Variants in ERC2 observed in about 807,000 individuals in gnomAD.
The protein encoded by ERC2 is ELKS/RAB6-interacting/CAST family member 2.
Under a neutral mutation model 114.8 loss-of-function variants are expected in ERC2, and 42 were observed. The observed-to-expected ratio is 0.37, with a 90% CI of 0.29 to 0.47. The LOEUF (loss-of-function observed/expected upper bound fraction) is 0.47, where lower values mean the gene tolerates loss of function less well. Ranked by LOEUF, ERC2 falls within the 20% of genes least tolerant of loss-of-function variation. The probability of loss-of-function intolerance (pLI) is 0.99; values close to 1 mark genes in which losing one functional copy is unlikely to be tolerated. For missense variants in ERC2, 939 were observed against 1,150.7 expected, an observed-to-expected ratio of 0.82 and a Z score of 2.66; for synonymous variants, 454 against 425.5, an observed-to-expected ratio of 1.07 and a Z score of -0.82.
At chr3:56,202,293 T>C (rs557298752) in intron 3 of ERC2, among the ~76,000 whole-genome samples, 1 of 152,172 alleles carries the variant, frequency 6.6e-6, no homozygotes, top group Non-Finnish European at 1.5e-5. Context: ...TAATTTCTCT[T>C]AATTATCCAA....
At chr3:56,015,683 T>A (rs2073257315) in intron 8 of ERC2, among the ~76,000 whole-genome samples, 1 of 152,220 alleles carries the variant, frequency 6.6e-6, no homozygotes, top group Admixed American at 6.5e-5. Flanking sequence ...TGCATGCACC[T>A]TTATAATAGA....
At chr3:56,194,803 G>T (rs1318644599) in intron 3 of ERC2, among the ~76,000 whole-genome samples, 1 of 152,000 alleles carries the variant, frequency 6.6e-6, no homozygotes, top group Admixed American at 6.6e-5. Context: ...TGCAGTGCAT[G>T]ACAGCAGGCT....
chr3:55,922,063 C>A (rs760821407), intron 13 of ERC2, among the ~76,000 whole-genome samples: 1 of 152,140 alleles, frequency 6.6e-6, no homozygotes, highest in Admixed American at 6.6e-5. Context: ...ATACCTCCTC[C>A]AGTCACTTAG....
intron 13 of ERC2, among the ~76,000 whole-genome samples, chr3:55,930,407 T>G (rs574843642): frequency 1.4e-3 from 217 of 152,158 alleles, no homozygotes; most frequent in African/African-American, 5.2e-3. Flanking sequence ...AAAACAGAGA[T>G]ATAGATCAAT....
Position 56,044,818 on chromosome 3 carries a change from C to A in ERC2, c.1642-25787G>T, listed in dbSNP as rs113015893. Among the ~76,000 whole-genome samples, 174 of 152,202 alleles carry A rather than the reference C, an allele frequency of 1.1e-3. 1 individual carries two copies. The highest frequency in any genetic ancestry group is 4.0e-3 in the African/African-American group (166 of 41,550). Reference sequence around the variant, plus strand: ...AAATCCTAACTCTCGCTCCCCAAATCAAATACAAACCCAGAGGAAGGACAG... The same window carrying A: ...AAATCCTAACTCTCGCTCCCCAAATAAAATACAAACCCAGAGGAAGGACAG... On this transcript the variant is annotated intron_variant, in intron 7 of 17. Coordinates refer to ENST00000288221, the MANE Select transcript of ERC2 (RefSeq NM_015576.3).
At chr3:55,807,292 G>A (rs945134142) in intron 14 of ERC2, among the ~76,000 whole-genome samples, 8 of 152,186 alleles carry the variant, frequency 5.3e-5, no homozygotes, top group Non-Finnish European at 1.2e-4. Context: ...ATGGCTGTGA[G>A]ACTATGTTCG....
chr3:55,741,619 G>A (rs2065965826), intron 14 of ERC2, among the ~76,000 whole-genome samples: 1 of 152,086 alleles, frequency 6.6e-6, no homozygotes, highest in Admixed American at 6.6e-5. Context: ...GTACATATAT[G>A]CCCATTCTTA....
chr3:56,001,784 C>T (rs1226468161), intron 10 of ERC2, among the ~76,000 whole-genome samples: 1 of 152,124 alleles, frequency 6.6e-6, no homozygotes, highest in African/African-American at 2.4e-5. Context: ...TGCACACACC[C>T]AAAACATGAC....
At position 56,149,070 on chromosome 3, in the gene ERC2, T is replaced by C. The variant is rs1201847761; in HGVS notation, c.1212A>G (p.Leu404=). 1 of 1,613,346 alleles carries C rather than the reference T, an allele frequency of 6.2e-7. No individual in the cohort carries two copies. Among genetic ancestry groups the C allele is most frequent in the South Asian group, 1.1e-5 (1 of 91,016 alleles). ...CAGTGTTCAGCACACCATTGGCTTT[T>C]AACATCTGGATCTCATCCTCAAGAT... ...IRDLEDEIQM[L]KANGVLNTED... The change falls in exon 5 of 18, where the codon TTA becomes TTG. Residue 404 remains leucine (L), a synonymous_variant. Coordinates refer to ENST00000288221, the MANE Select transcript of ERC2 (RefSeq NM_015576.3).
intron 6 of ERC2, among the ~76,000 whole-genome samples, chr3:56,110,473 G>T (rs554429547): frequency 6.6e-6 from 1 of 152,144 alleles, no homozygotes; most frequent in South Asian, 2.1e-4. Context: ...AACTACATGG[G>T]CACAAGTTTA....
At chr3:56,298,749 G>A (rs1314241653) in intron 2 of ERC2, among the ~76,000 whole-genome samples, 1 of 152,128 alleles carries the variant, frequency 6.6e-6, no homozygotes, top group Non-Finnish European at 1.5e-5. Flanking sequence ...ATCTTCTAGG[G>A]TGATGAAAAT....
chr3:55,589,215 C>CCA (rs751994070), intron 17 of ERC2, among the ~76,000 whole-genome samples: 2 of 99,818 alleles, frequency 2.0e-5, no homozygotes, highest in African/African-American at 7.7e-5. Flanking sequence ...CAGTCACTAC[C>CCA]AAAAAAAAAA....
chr3:55,840,405 C>A (rs1268758196), intron 14 of ERC2, among the ~76,000 whole-genome samples: 2 of 151,608 alleles, frequency 1.3e-5, no homozygotes, highest in African/African-American at 2.4e-5. Flanking sequence ...TAGGGAAAGG[C>A]AAAATAAAAC....
chr3:55,652,270 T>A (rs2060657460), intron 17 of ERC2, among the ~76,000 whole-genome samples: 1 of 152,232 alleles, frequency 6.6e-6, no homozygotes, highest in South Asian at 2.1e-4. Context: ...TAATAGCTGA[T>A]GGTTTGCGAC....
intron 15 of ERC2, among the ~76,000 whole-genome samples, chr3:55,700,854 G>A (rs908296009): frequency 6.6e-6 from 1 of 152,052 alleles, no homozygotes; most frequent in African/African-American, 2.4e-5. Flanking sequence ...TCTCGCATAG[G>A]GCCTAGCAGA....
intron 17 of ERC2, among the ~76,000 whole-genome samples, chr3:55,655,952 A>G (rs1334538171): frequency 6.6e-6 from 1 of 152,174 alleles, no homozygotes; most frequent in Non-Finnish European, 1.5e-5. Context: ...GTTTTATCTG[A>G]GGAAACTGAG....
Position 55,830,104 on chromosome 3 carries a change from C to T in ERC2, c.2564+58285G>A, listed in dbSNP as rs116144506. 6.9e-3 allele frequency among the ~76,000 whole-genome samples: 1,043 copies of T among 152,196 alleles called. 9 individuals carry two copies. Among genetic ancestry groups the T allele is most frequent in the African/African-American group, 0.024 (998 of 41,522 alleles). On this transcript the variant is annotated intron_variant, in intron 14 of 17. Coordinates refer to ENST00000288221, the MANE Select transcript of ERC2 (RefSeq NM_015576.3). ...CTTCAAAGCAGTTACAGAAAAATGA[C>T]GTTACACAGAAGAAAACAATGACTG...
chr3:56,286,230 A>G (rs2054695015), intron 3 of ERC2, among the ~76,000 whole-genome samples: 1 of 152,068 alleles, frequency 6.6e-6, no homozygotes, highest in Non-Finnish European at 1.5e-5. Context: ...CCTGACCAAC[A>G]TGGAGAAACC....
At chr3:56,243,846 C>T (rs976614220) in intron 3 of ERC2, among the ~76,000 whole-genome samples, 6 of 152,026 alleles carry the variant, frequency 3.9e-5, no homozygotes, top group African/African-American at 1.4e-4. Flanking sequence ...GAGAGCGAGG[C>T]AAGTTCCCTT....
Sources: gnomAD v4.1 joint callset for allele counts (sites outside exome capture counted in the v4.1 genomes callset) on GRCh38, gnomAD v4.1.1 for gene constraint, MANE v1.5 for transcripts, NCBI Gene and HGNC (gene_info 2026-07-23, HGNC 2026-07-21) for gene names.